The following OCLN variants were observed in gnomAD, a reference collection of about 807,000 sequenced individuals.
OCLN encodes the protein occludin.
Under a neutral mutation model 47.9 loss-of-function variants are expected in OCLN, and 21 were observed. That is an observed-to-expected ratio of 0.44 (90% CI 0.31 to 0.63). OCLN has a LOEUF of 0.63. OCLN is among the 30% of genes least tolerant of loss of function. The probability of loss-of-function intolerance (pLI) is 0.08; values close to 1 mark genes in which losing one functional copy is unlikely to be tolerated. For missense variants in OCLN, 360 were observed against 571.0 expected (o/e 0.63, Z 3.77); for synonymous variants, 117 against 198.4 (o/e 0.59, Z 3.45).
chr5:69,516,715 T>A (rs887147846), intron 4 of OCLN, among the ~76,000 whole-genome samples: 4 of 152,136 alleles, frequency 2.6e-5, no homozygotes, highest in Non-Finnish European at 4.4e-5. Flanking sequence ...GCCTGGAAAG[T>A]TCCTCTTTAA....
At chr5:69,522,177 G>A (rs1769155765) in intron 4 of OCLN, among the ~76,000 whole-genome samples, 1 of 151,926 alleles carries the variant, frequency 6.6e-6, no homozygotes, top group Non-Finnish European at 1.5e-5. Flanking sequence ...TCTCTTTATG[G>A]CCTCTACATA....
chr5:69,533,088 T>TAC (rs527907847), intron 4 of OCLN, among the ~76,000 whole-genome samples: 244 of 124,724 alleles, frequency 2.0e-3, no homozygotes, highest in South Asian at 4.0e-3. Flanking sequence ...TATATATATA[T>TAC]ACACACACAC....
chr5:69,494,606 A>T (rs1768241282), intron 1 of OCLN, among the ~76,000 whole-genome samples: 1 of 152,142 alleles, frequency 6.6e-6, no homozygotes, highest in African/African-American at 2.4e-5. Flanking sequence ...TTATTTAGTT[A>T]TTAGGGGCCT....
chr5:69,509,267 C>G lies in OCLN; in HGVS notation c.177C>G (p.Thr59=), dbSNP rs570737316. The part of the protein sequence containing the change: ...EDEILHFYKW[T]SPPGVIRILS... ...AAATTCTTCACTTCTACAAATGGAC[C>G]TCTCCTCCAGGAGTGATTCGGATCC... The change falls in exon 3 of 9, where the codon ACC becomes ACG. Residue 59 remains threonine, a synonymous_variant. Transcript: ENST00000396442. 5.0e-6 allele frequency: 8 copies of G among 1,614,198 alleles called. No homozygotes were observed. In the African/African-American group the frequency reaches 9.3e-5, roughly 19 times the overall value.
chr5:69,504,256 G>A lies in OCLN; in HGVS notation c.12G>A (p.Arg4=), dbSNP rs1032322032. 2 of 1,609,520 alleles carry A rather than the reference G, an allele frequency of 1.2e-6. No individual in the cohort carries two copies. MSS[R]PLESPPPYRP... ...ATTGACAATCAGCCATGTCATCCAG[G>A]CCTCTTGAAAGTCCACCTCCTTACA... The change falls in exon 2 of 9, where the codon AGG becomes AGA. Residue 4 remains arginine, a synonymous_variant. Transcript: ENST00000396442.
intron 1 of OCLN, among the ~76,000 whole-genome samples, chr5:69,495,509 C>T (rs1270055844): frequency 2.0e-5 from 3 of 152,144 alleles, no homozygotes; most frequent in Admixed American, 1.3e-4. Context: ...GAAAAAATAA[C>T]GTTTATTGAG....
At chr5:69,525,173 C>T (rs965840901) in intron 4 of OCLN, among the ~76,000 whole-genome samples, 9 of 151,316 alleles carry the variant, frequency 5.9e-5, no homozygotes, top group South Asian at 2.1e-4. Context: ...GGTGCGATCT[C>T]GGCTCACTGC....
At position 69,554,538 on chromosome 5, in the gene OCLN, T is replaced by C. The variant is rs1769919630; in HGVS notation, c.*867T>C. 6.6e-6 allele frequency: 1 copy of C among 152,008 alleles called. No individual in the cohort carries two copies. Among genetic ancestry groups the C allele is most frequent in the Non-Finnish European group, 1.5e-5 (1 of 67,992 alleles). The allele number at this position is 152,008 out of a possible 1,614,324, so 9.4% of individuals were successfully genotyped here. Reference sequence around the variant, plus strand: ...ATGTTCAATTTCTATACATATTTTATAAGGTATTAAACCTGGTGTTTTCTT... The same window carrying C: ...ATGTTCAATTTCTATACATATTTTACAAGGTATTAAACCTGGTGTTTTCTT... On this transcript the variant is annotated 3_prime_UTR_variant, in exon 9 of 9. Coordinates refer to ENST00000396442, the MANE Select transcript of OCLN (RefSeq NM_001205254.2).
chr5:69,548,765 C>T (rs1417572178), intron 7 of OCLN, among the ~76,000 whole-genome samples: 2 of 150,424 alleles, frequency 1.3e-5, no homozygotes, highest in South Asian at 2.1e-4. Flanking sequence ...TAGAGAATAG[C>T]GTGCCTAACA....
rs569247465 is a variant in OCLN, at chr5:69,495,044, G to C, written c.-69+2144G>C. On this transcript the variant is annotated intron_variant, in intron 1 of 8. Coordinates refer to ENST00000396442, the MANE Select transcript of OCLN (RefSeq NM_001205254.2). Reference sequence around the variant, plus strand: ...AAATTCTTGTTTTCTTCTAAAGGTAGTGTTGGAATTACTACCTTTTCAAAA... The same window carrying C: ...AAATTCTTGTTTTCTTCTAAAGGTACTGTTGGAATTACTACCTTTTCAAAA... Among the ~76,000 whole-genome samples, 318 of 152,268 alleles carry C rather than the reference G, an allele frequency of 2.1e-3. 2 individuals are homozygous for C. The highest frequency in any genetic ancestry group is 3.4e-3 in the Non-Finnish European group (228 of 68,036).
At position 69,493,733 on chromosome 5, in the gene OCLN, G is replaced by T. The variant is rs1025670323; in HGVS notation, c.-69+833G>T. ...GGAAGCCGGGACCCGCGCCCAGCCG[G>T]GCCACGGAGTTTGGGGACCTCCGGG... is the stretch of plus-strand genomic sequence containing the variant. On this transcript the variant is annotated intron_variant, in intron 1 of 8. Transcript: ENST00000396442. The surrounding 1 kb of genome is among the most constrained non-coding windows in gnomAD (Gnocchi z 5.3). Among the ~76,000 whole-genome samples the T allele has an allele frequency of 3.3e-5, 5 of 152,176 alleles. No homozygotes were observed. Among genetic ancestry groups the T allele is most frequent in the African/African-American group, 1.2e-4 (5 of 41,446 alleles).
At chr5:69,529,891 A>C (rs2112046754) in intron 4 of OCLN, among the ~76,000 whole-genome samples, 1 of 152,286 alleles carries the variant, frequency 6.6e-6, no homozygotes, top group East Asian at 1.9e-4. Flanking sequence ...GGCATGAGCT[A>C]CCGCACCTGG....
chr5:69,520,480 T>G (rs1769104773), intron 4 of OCLN, among the ~76,000 whole-genome samples: 1 of 151,722 alleles, frequency 6.6e-6, no homozygotes, highest in Non-Finnish European at 1.5e-5. Context: ...TTTGTATTTT[T>G]AGTAGAGACG....
intron 3 of OCLN, among the ~76,000 whole-genome samples, chr5:69,512,921 C>G (rs1239226991): frequency 1.3e-5 from 2 of 152,094 alleles, no homozygotes; most frequent in African/African-American, 4.8e-5. Context: ...TCAGGAGTTC[C>G]CATTCCTGAA....
intron 5 of OCLN, among the ~76,000 whole-genome samples, chr5:69,536,197 G>C (rs2112069055): frequency 6.6e-6 from 1 of 152,124 alleles, no homozygotes; most frequent in Non-Finnish European, 1.5e-5. Flanking sequence ...ACTGGAAGTT[G>C]CTCTGGGTGA....
chr5:69,522,894 C>CTTTTTTTTTTTT (rs60505522), intron 4 of OCLN, among the ~76,000 whole-genome samples: 2,422 of 116,794 alleles, frequency 0.021, 193 homozygotes, highest in African/African-American at 0.071. Flanking sequence ...GCCTGGCTGA[C>CTTTTTTTTTTTT]TTTTTTTTTT....
chr5:69,512,661 A>T (rs1396139948), intron 3 of OCLN, among the ~76,000 whole-genome samples: 2 of 152,216 alleles, frequency 1.3e-5, no homozygotes, highest in African/African-American at 4.8e-5. Context: ...TACAATTACA[A>T]GTCTTCTGAT....
chr5:69,509,013 G>A, intron 2 of OCLN, 128 bp from the exon 3 acceptor site: 1 of 814,068 alleles, frequency 1.2e-6, no homozygotes, highest in South Asian at 1.5e-5. Context: ...AGCCCTCCAG[G>A]TGATTCCTGT....
chr5:69,520,969 TC>T (rs1769121695), intron 4 of OCLN, among the ~76,000 whole-genome samples: 1 of 152,156 alleles, frequency 6.6e-6, no homozygotes, highest in Non-Finnish European at 1.5e-5. Flanking sequence ...TGCCTCAGCC[TC>T]CTGAGTAGCT....
Sources: allele counts gnomAD v4.1 joint callset (sites outside exome capture counted in the v4.1 genomes callset), GRCh38; gene constraint gnomAD v4.1.1; non-coding constraint Gnocchi (gnomAD v3.1); transcripts MANE v1.5; gene names NCBI Gene and HGNC (gene_info 2026-07-23, HGNC 2026-07-21).